The following PRORP variants were observed in gnomAD, a reference collection of about 807,000 sequenced individuals.
The protein encoded by PRORP is protein only RNase P catalytic subunit, also known as mitochondrial ribonuclease P catalytic subunit.
Under a neutral mutation model 59.4 loss-of-function variants are expected in PRORP, and 51 were observed. The observed-to-expected ratio is 0.86, with a 90% CI of 0.69 to 1.08. PRORP has a LOEUF of 1.08. PRORP is among the 50% of genes least tolerant of loss of function. The probability of loss-of-function intolerance (pLI) is 0.00; values close to 1 mark genes in which losing one functional copy is unlikely to be tolerated. For synonymous variants in PRORP, 231 were observed against 245.6 expected, an observed-to-expected ratio of 0.94 and a Z score of 0.55; for missense variants, 646 against 690.3, an observed-to-expected ratio of 0.94 and a Z score of 0.72.
chr14:35,134,758 G>T (rs865899818), intron 4 of PRORP, among the ~76,000 whole-genome samples: 1 of 152,124 alleles, frequency 6.6e-6, no homozygotes, highest in Non-Finnish European at 1.5e-5. Context: ...GGGCTTAGGG[G>T]AGGTATGGCA....
rs954178583 is a variant in PRORP, at chr14:35,274,947, A to G, written c.*1381A>G. Reference sequence around the variant, plus strand: ...TTAGCCCTTGATTTCAGCTGAAAATATTCATGTCTGCACCCCTTCATGATA... The same window carrying G: ...TTAGCCCTTGATTTCAGCTGAAAATGTTCATGTCTGCACCCCTTCATGATA... On this transcript the variant is annotated 3_prime_UTR_variant, in exon 8 of 8. Transcript: ENST00000534898. 1.3e-5 allele frequency: 2 copies of G among 152,194 alleles called. No individual in the cohort carries two copies. The highest frequency in any genetic ancestry group is 4.1e-4 in the South Asian group (2 of 4,834). The allele number at this position is 152,194 out of a possible 1,614,324, so 9.4% of individuals were successfully genotyped here.
At chr14:35,251,672 A>T (rs2050616605) in intron 5 of PRORP, among the ~76,000 whole-genome samples, 1 of 152,112 alleles carries the variant, frequency 6.6e-6, no homozygotes. Flanking sequence ...CTCCTGCCTC[A>T]GCCTCCCGAG....
At chr14:35,149,911 A>C (rs886728977) in intron 4 of PRORP, among the ~76,000 whole-genome samples, 1 of 152,106 alleles carries the variant, frequency 6.6e-6, no homozygotes, top group African/African-American at 2.4e-5. Context: ...GTGCAGCGGC[A>C]TAATCTCAGT....
At chr14:35,204,680 A>G (rs2049245815) in intron 5 of PRORP, among the ~76,000 whole-genome samples, 1 of 152,306 alleles carries the variant, frequency 6.6e-6, no homozygotes, top group African/African-American at 2.4e-5. Context: ...GCAGAAGACA[A>G]TATCAGCAAC....
At chr14:35,148,185 G>A (rs1308659235) in intron 4 of PRORP, among the ~76,000 whole-genome samples, 5 of 152,150 alleles carry the variant, frequency 3.3e-5, no homozygotes, top group African/African-American at 4.8e-5. Flanking sequence ...AAAGTTTTCC[G>A]TTGACTTTGC....
chr14:35,213,758 G>C (rs964152088), intron 5 of PRORP, among the ~76,000 whole-genome samples: 1 of 152,176 alleles, frequency 6.6e-6, no homozygotes, highest in African/African-American at 2.4e-5. Flanking sequence ...TCCATCTTAC[G>C]TGAGTGTGGT....
At chr14:35,173,132 T>C (rs2048362666) in intron 4 of PRORP, among the ~76,000 whole-genome samples, 1 of 152,184 alleles carries the variant, frequency 6.6e-6, no homozygotes, top group African/African-American at 2.4e-5. Context: ...CCTCCCAAAT[T>C]GCTGGGATTA....
intron 4 of PRORP, among the ~76,000 whole-genome samples, chr14:35,156,994 C>T (rs1415710222): frequency 7.8e-6 from 1 of 128,306 alleles, no homozygotes; most frequent in African/African-American, 3.0e-5. Context: ...CTTGCTCTGT[C>T]GCCCAGGCGG....
At chr14:35,204,230 G>A (rs556710741) in intron 5 of PRORP, among the ~76,000 whole-genome samples, 3 of 152,072 alleles carry the variant, frequency 2.0e-5, no homozygotes, top group Admixed American at 6.6e-5. Flanking sequence ...AAGTAGTGTT[G>A]GGAAAATATT....
chr14:35,155,619 A>T (rs1213983652), intron 4 of PRORP, among the ~76,000 whole-genome samples: 3 of 150,776 alleles, frequency 2.0e-5, no homozygotes, highest in Admixed American at 6.6e-5. Flanking sequence ...GATAGAAGTT[A>T]TGAAAAGGGA....
chr14:35,126,207 T>C (rs182518532), intron 2 of PRORP, among the ~76,000 whole-genome samples: 8 of 152,156 alleles, frequency 5.3e-5, no homozygotes, highest in Admixed American at 4.6e-4. Context: ...TAAGAACTGA[T>C]GGTAATATGT....
intron 5 of PRORP, among the ~76,000 whole-genome samples, chr14:35,214,442 ATC>A (rs2049533600): frequency 6.6e-6 from 1 of 152,242 alleles, no homozygotes; most frequent in Non-Finnish European, 1.5e-5. Flanking sequence ...TTATATGCTT[ATC>A]TTCTGTTGCA....
rs72664884 is a variant in PRORP at position 35,240,315 on chromosome 14, G to T, written c.1276-26412G>T. 9.5e-3 allele frequency among the ~76,000 whole-genome samples: 1,205 copies of T among 126,748 alleles called. 6 individuals are homozygous for T. The highest frequency in any genetic ancestry group is 0.015 in the South Asian group (59 of 4,048). The allele number at this position is 126,748 out of a possible 152,430, so 83.2% of individuals were successfully genotyped here. A position where few individuals can be genotyped will look rare whatever the true frequency, so the allele number is the denominator to read the frequency against. The stretch of plus-strand genomic sequence containing the variant: ...CCATCTTTTTTTTTTTTTTTTTTTG[G>T]TTTAAAATTTACCCGGGTGGGTTTT... On this transcript the variant is annotated intron_variant, in intron 5 of 7. Coordinates refer to ENST00000534898, the MANE Select transcript of PRORP (RefSeq NM_014672.4).
chr14:35,124,368 A>C (rs989567341), intron 2 of PRORP, 137 bp downstream of exon 2: 1 of 494,556 alleles, frequency 2.0e-6, no homozygotes, highest in Non-Finnish European at 3.4e-6. Flanking sequence ...CCTGGCCTCA[A>C]GTGATCCTCT....
intron 5 of PRORP, among the ~76,000 whole-genome samples, chr14:35,211,463 C>A (rs10134834): frequency 0.81 from 123,868 of 152,110 alleles, 50,475 homozygotes; most frequent in Admixed American, 0.85. Flanking sequence ...GTTTTTACAG[C>A]TTCATCAATA....
intron 5 of PRORP, among the ~76,000 whole-genome samples, chr14:35,216,049 G>A (rs1173525722): frequency 1.5e-5 from 2 of 134,698 alleles, no homozygotes; most frequent in Non-Finnish European, 1.6e-5. Flanking sequence ...TTATAGGCAT[G>A]AGCCACCGCA....
chr14:35,246,144 C>T (rs1282723867), intron 5 of PRORP, among the ~76,000 whole-genome samples: 2 of 152,062 alleles, frequency 1.3e-5, no homozygotes, highest in African/African-American at 4.8e-5. Flanking sequence ...CTTTTTGTCT[C>T]CAGTGTTTTA....
At chr14:35,153,942 A>T (rs2047846535) in intron 4 of PRORP, among the ~76,000 whole-genome samples, 1 of 152,230 alleles carries the variant, frequency 6.6e-6, no homozygotes, top group South Asian at 2.1e-4. Flanking sequence ...TAAGCTAGTC[A>T]CTGTTATGAG....
At chr14:35,168,589 A>AAG (rs2048240852) in intron 4 of PRORP, among the ~76,000 whole-genome samples, 1 of 152,036 alleles carries the variant, frequency 6.6e-6, no homozygotes, top group Non-Finnish European at 1.5e-5. Flanking sequence ...TGTCTTTCTT[A>AAG]GACCTCAACT....
Sources: gnomAD v4.1 joint callset for allele counts (sites outside exome capture counted in the v4.1 genomes callset) on GRCh38, gnomAD v4.1.1 for gene constraint, MANE v1.5 for transcripts, NCBI Gene and HGNC (gene_info 2026-07-23, HGNC 2026-07-21) for gene names.